Variants in NAPB observed in about 807,000 individuals in gnomAD.
NAPB encodes the protein beta-soluble NSF attachment protein.
NAPB carries 26 observed loss-of-function variants against 44.7 expected under a neutral mutation model. That is an observed-to-expected ratio of 0.58 (90% CI 0.43 to 0.81). The LOEUF is 0.81. NAPB is among the 30% of genes least tolerant of loss of function. The probability of loss-of-function intolerance (pLI) is 0.00; values close to 1 mark genes in which losing one functional copy is unlikely to be tolerated. For synonymous variants in NAPB, 120 were observed against 116.8 expected, an observed-to-expected ratio of 1.03 and a Z score of -0.18; for missense variants, 315 against 356.4, an observed-to-expected ratio of 0.88 and a Z score of 0.94.
rs923799446 is a variant in NAPB, at chr20:23,376,560, G to A, written c.*816C>T. 5.3e-5 allele frequency: 8 copies of A among 152,338 alleles called. No homozygotes were observed. The highest frequency in any genetic ancestry group is 1.9e-4 in the African/African-American group (8 of 41,580). The allele number at this position is 152,338 out of a possible 1,614,324, so 9.4% of individuals were successfully genotyped here. A position where few individuals can be genotyped will look rare whatever the true frequency, so the allele number is the denominator to read the frequency against. On this transcript the variant is annotated 3_prime_UTR_variant, in exon 11 of 11. Coordinates refer to ENST00000377026, the MANE Select transcript of NAPB (RefSeq NM_022080.3). ...AAGTGTATAAACATGAAAATAATGA[G>A]CAGGCTATGCCAATTAAAATACTTC...
intron 1 of NAPB, among the ~76,000 whole-genome samples, chr20:23,411,459 A>G (rs1031930233): frequency 6.6e-6 from 1 of 152,212 alleles, no homozygotes; most frequent in African/African-American, 2.4e-5. Flanking sequence ...GCCATCCAGC[A>G]TGCAACCCCC....
At chr20:23,393,422 C>T (rs1984120062) in intron 5 of NAPB, among the ~76,000 whole-genome samples, 1 of 152,158 alleles carries the variant, frequency 6.6e-6, no homozygotes, top group Admixed American at 6.5e-5. Flanking sequence ...CAATGCCAGT[C>T]CAATTTCAGT....
rs1307842156 is a variant in NAPB at position 23,407,448 on chromosome 20, C to CTATT, written c.99-4380_99-4377dup. Among the ~76,000 whole-genome samples, 2 of 148,812 alleles carry CTATT rather than the reference C, an allele frequency of 1.3e-5. 1 individual carries two copies. Among genetic ancestry groups the CTATT allele is most frequent in the Non-Finnish European group, 2.9e-5 (2 of 67,954 alleles). ...AAGAAGCTAAACTGAGCTAAATTAA[C>CTATT]TATTTTTTTGTATTACAGGAATCTG... On this transcript the variant is annotated intron_variant, in intron 1 of 10. Transcript: ENST00000377026.
intron 1 of NAPB, among the ~76,000 whole-genome samples, chr20:23,405,492 T>C (rs901289046): frequency 3.9e-5 from 6 of 152,014 alleles, no homozygotes; most frequent in African/African-American, 1.5e-4. Context: ...GAGGCTGAGG[T>C]GGGTGGATCA....
intron 7 of NAPB, among the ~76,000 whole-genome samples, chr20:23,388,364 C>G (rs1983686181): frequency 1.3e-5 from 2 of 152,128 alleles, no homozygotes; most frequent in Admixed American, 1.3e-4. Flanking sequence ...TCCATACAAT[C>G]CCTATCAAAA....
At chr20:23,412,853 A>G (rs969623065) in intron 1 of NAPB, among the ~76,000 whole-genome samples, 4 of 152,170 alleles carry the variant, frequency 2.6e-5, no homozygotes, top group African/African-American at 9.7e-5. Flanking sequence ...AAAATTAGCC[A>G]GGTGTGGTGG....
chr20:23,405,238 A>G (rs1029292474), intron 1 of NAPB, among the ~76,000 whole-genome samples: 10 of 151,880 alleles, frequency 6.6e-5, no homozygotes, highest in African/African-American at 2.4e-4. Flanking sequence ...ACACCACTGC[A>G]CTCCAGCCCA....
At chr20:23,408,678 T>C (rs932018783) in intron 1 of NAPB, among the ~76,000 whole-genome samples, 4 of 152,234 alleles carry the variant, frequency 2.6e-5, no homozygotes, top group African/African-American at 9.6e-5. Flanking sequence ...AAATCTTTTA[T>C]GTGATGCAAA....
In NAPB at chr20:23,417,914, A is replaced by G. The variant is rs6048790; in HGVS notation, c.98+3391T>C. 6.2e-3 allele frequency among the ~76,000 whole-genome samples: 948 copies of G among 152,286 alleles called. 9 individuals are homozygous for G. Among genetic ancestry groups the G allele is most frequent in the African/African-American group, 0.021 (872 of 41,548 alleles). On this transcript the variant is annotated intron_variant, in intron 1 of 10. Coordinates refer to ENST00000377026, the MANE Select transcript of NAPB (RefSeq NM_022080.3). The stretch of plus-strand genomic sequence containing the variant: ...ATTTGACTGACATGTTCTCATAAAT[A>G]CATATGCATATTTTCATCTAATTTT...
intron 5 of NAPB, among the ~76,000 whole-genome samples, chr20:23,394,304 G>C (rs1253372932): frequency 3.3e-5 from 5 of 152,160 alleles, no homozygotes; most frequent in Non-Finnish European, 7.4e-5. Flanking sequence ...GTTGTGCCAA[G>C]ACTTGGGAGC....
intron 10 of NAPB, among the ~76,000 whole-genome samples, chr20:23,378,421 A>AATAT (rs965119350): frequency 6.7e-6 from 1 of 148,894 alleles, no homozygotes; most frequent in Non-Finnish European, 1.5e-5. Flanking sequence ...TCATATTTTT[A>AATAT]ATATATATAT....
chr20:23,403,998 G>C (rs574068337), intron 1 of NAPB, among the ~76,000 whole-genome samples: 26 of 152,250 alleles, frequency 1.7e-4, no homozygotes, highest in Admixed American at 5.2e-4. Flanking sequence ...ACAACACCCT[G>C]AGAGAAGGGT....
chr20:23,418,846 C>T (rs1986185675), intron 1 of NAPB, among the ~76,000 whole-genome samples: 1 of 151,656 alleles, frequency 6.6e-6, no homozygotes, highest in Non-Finnish European at 1.5e-5. Context: ...ACTCAGGAGA[C>T]TGAGGCAGGA....
intron 2 of NAPB, among the ~76,000 whole-genome samples, chr20:23,402,670 T>C (rs1181441314): frequency 6.6e-6 from 1 of 152,232 alleles, no homozygotes; most frequent in African/African-American, 2.4e-5. Flanking sequence ...TATTTGAACA[T>C]ATTAGTAAGA....
At chr20:23,392,063 G>A (rs1434692535) in intron 5 of NAPB, among the ~76,000 whole-genome samples, 1 of 152,202 alleles carries the variant, frequency 6.6e-6, no homozygotes, top group Non-Finnish European at 1.5e-5. Flanking sequence ...GATGCACTTT[G>A]TCTTCATTCA....
chr20:23,391,939 G>A (rs1213602248), intron 5 of NAPB, among the ~76,000 whole-genome samples: 1 of 152,188 alleles, frequency 6.6e-6, no homozygotes, highest in African/African-American at 2.4e-5. Context: ...TTCTGCCCAA[G>A]CCCATTAGTT....
chr20:23,386,438 C>A (rs933808157), intron 7 of NAPB, among the ~76,000 whole-genome samples: 8 of 152,214 alleles, frequency 5.3e-5, no homozygotes, highest in African/African-American at 1.9e-4. Context: ...CATCCTAATG[C>A]ATTCTGAGAC....
chr20:23,380,514 TC>T (rs1982909524), intron 8 of NAPB, among the ~76,000 whole-genome samples: 1 of 140,756 alleles, frequency 7.1e-6, no homozygotes, highest in East Asian at 2.3e-4. Flanking sequence ...CTCCCTTAGT[TC>T]CTTAATTTCT....
At chr20:23,412,932 G>A (rs1162263184) in intron 1 of NAPB, among the ~76,000 whole-genome samples, 1 of 152,172 alleles carries the variant, frequency 6.6e-6, no homozygotes, top group African/African-American at 2.4e-5. Context: ...GGAGGTGGAG[G>A]TTGCAGTGAG....
Sources: allele counts gnomAD v4.1 joint callset (sites outside exome capture counted in the v4.1 genomes callset), GRCh38; gene constraint gnomAD v4.1.1; transcripts MANE v1.5; gene names NCBI Gene and HGNC (gene_info 2026-07-23, HGNC 2026-07-21).